Variants in AKIP1 observed in about 807,000 individuals in gnomAD.
AKIP1 encodes the protein A-kinase-interacting protein 1.
AKIP1 carries 18 observed loss-of-function variants against 22.3 expected under a neutral mutation model. The observed-to-expected ratio is 0.81, with a 90% confidence interval of 0.56 to 1.19. The LOEUF is 1.19. Among genes scored for constraint, AKIP1 ranks in the 50% most tolerant of loss-of-function variants. The pLI is 0.00. For missense variants in AKIP1, 287 were observed against 264.6 expected (o/e 1.08, Z -0.59); for synonymous variants, 120 against 102.7 (o/e 1.17, Z -1.02).
In AKIP1 at chr11:8,911,689, G is replaced by A; in HGVS notation, c.222+18G>A. 1 of 1,492,834 alleles carries A rather than the reference G, an allele frequency of 6.7e-7. No individual in the cohort carries two copies. Among genetic ancestry groups the A allele is most frequent in the Non-Finnish European group, 8.9e-7 (1 of 1,122,404 alleles). 92.5% of individuals were successfully genotyped at this position (1,492,834 alleles called of 1,614,324 possible). A position where few individuals can be genotyped will look rare whatever the true frequency, so the allele number is the denominator to read the frequency against. On this transcript the variant is annotated intron_variant, in intron 2 of 5. Coordinates refer to ENST00000309377, the MANE Select transcript of AKIP1 (RefSeq NM_020642.4). The stretch of plus-strand genomic sequence containing the variant: ...CGGGAGAGGTGAGGGTCGCTGTGCC[G>A]GGGGCCGCCCCAGTCCTTCGCGCCG...
At chr11:8,915,356 TTC>T (rs754317619) in intron 4 of AKIP1, among the ~76,000 whole-genome samples, 1,101 of 47,274 alleles carry the variant, frequency 0.023, 13 homozygotes, top group East Asian at 0.11. Flanking sequence ...GATTTTTTTT[TTC>T]TTTTTTTTTT....
chr11:8,917,588 G>A (rs775547819), intron 5 of AKIP1: 6 of 556,454 alleles, frequency 1.1e-5, no homozygotes, highest in Non-Finnish European at 1.9e-5. Context: ...CTTTGTGCCT[G>A]AACTCATAGT....
In AKIP1 at chr11:8,917,006, C is replaced by G. The variant is rs554424084; in HGVS notation, c.409-281C>G. On this transcript the variant is annotated intron_variant, in intron 4 of 5. Transcript: ENST00000309377. ...AGTGCCATGTTACAGACTGGAAAAC[C>G]AAGGTTCAAGAGAAGTTAATCTGTC... 1.4e-4 allele frequency among the ~76,000 whole-genome samples: 21 copies of G among 152,226 alleles called. No individual in the cohort carries two copies. The East Asian group carries it at 3.9e-3, about 28-fold the overall frequency.
intron 3 of AKIP1, among the ~76,000 whole-genome samples, chr11:8,913,833 A>T (rs1470753413): frequency 6.6e-6 from 1 of 152,244 alleles, no homozygotes; most frequent in Non-Finnish European, 1.5e-5. Flanking sequence ...CAGTGGTTTT[A>T]CAAAAATCAA....
At chr11:8,911,295 G>A (rs2064334653) in intron 1 of AKIP1, 72 bp downstream of exon 1, 2 of 686,702 alleles carry the variant, frequency 2.9e-6, no homozygotes, top group East Asian at 2.7e-5. Flanking sequence ...GCCTAGTCCT[G>A]GCTGGGCTCC....
At position 8,911,426 on chromosome 11, in the gene AKIP1, C is replaced by A; in HGVS notation, c.-6-18C>A. 1 of 1,558,724 alleles carries A rather than the reference C, an allele frequency of 6.4e-7. No homozygotes were observed. The highest frequency in any genetic ancestry group is 8.7e-7 in the Non-Finnish European group (1 of 1,151,378). On this transcript the variant is annotated intron_variant, in intron 1 of 5. Transcript: ENST00000309377. ...CCCAGCTGACCCGCCGGCGTTTGTA[C>A]GTTGTGTGCCCACTCAGGGAGCCAT...
intron 3 of AKIP1, 125 bp from the exon 4 acceptor site, chr11:8,914,701 G>T: frequency 1.5e-6 from 1 of 659,530 alleles, no homozygotes; most frequent in East Asian, 2.7e-5. Context: ...CCTGTCAAGA[G>T]GGCAGGTAAT....
intron 4 of AKIP1, among the ~76,000 whole-genome samples, chr11:8,915,820 T>TA (rs71485244): frequency 1.4e-5 from 1 of 70,274 alleles, no homozygotes; most frequent in African/African-American, 3.6e-5. Flanking sequence ...TTTTTCTTTC[T>TA]TTTTTTTTTT....
chr11:8,918,716 T>C (rs961589037), intron 5 of AKIP1, among the ~76,000 whole-genome samples: 2 of 152,256 alleles, frequency 1.3e-5, no homozygotes, highest in African/African-American at 4.8e-5. Flanking sequence ...TTGTGCTCAG[T>C]TCGGCTCTAA....
chr11:8,918,916 G>A (rs867987815), intron 5 of AKIP1, among the ~76,000 whole-genome samples: 6 of 152,190 alleles, frequency 3.9e-5, no homozygotes, highest in African/African-American at 1.2e-4. Context: ...GCAAAGCACC[G>A]TTTAAAAGAA....
intron 3 of AKIP1, among the ~76,000 whole-genome samples, chr11:8,912,991 C>T (rs1266235436): frequency 1.4e-5 from 2 of 146,064 alleles, no homozygotes; most frequent in Admixed American, 7.2e-5. Flanking sequence ...TCTCCTGCCT[C>T]AGCCTCCCTA....
At chr11:8,915,073 A>G (rs556062511) in intron 4 of AKIP1, 143 bp downstream of exon 4, 8 of 593,916 alleles carry the variant, frequency 1.3e-5, no homozygotes, top group African/African-American at 3.7e-5. Flanking sequence ...GTGTAAATTC[A>G]TAGCCTTAGA....
rs2064535864 is a variant in AKIP1 at position 8,919,223 on chromosome 11, C to T, written c.490-114C>T. 6.0e-6 allele frequency: 6 copies of T among 1,004,632 alleles called. No homozygotes were observed. The Admixed American group carries it at 9.3e-5, about 16-fold the overall frequency. The allele number at this position is 1,004,632 out of a possible 1,614,324, so 62.2% of individuals were successfully genotyped here. On this transcript the variant is annotated intron_variant, in intron 5 of 5. Transcript: ENST00000309377. The stretch of plus-strand genomic sequence containing the variant: ...CCTTGAAAGCAGGACCTCTGTCTCC[C>T]ACATTAGCGCTTCATTCCATCACAC...
chr11:8,917,206 TA>T, intron 4 of AKIP1, 80 bp from the exon 5 acceptor site: 2 of 899,396 alleles, frequency 2.2e-6, no homozygotes, highest in Non-Finnish European at 3.3e-6. Context: ...TACTAACTCC[TA>T]ATAAGGTAGA....
intron 2 of AKIP1, 24 bp from the exon 3 acceptor site, chr11:8,912,429 G>C: frequency 6.3e-7 from 1 of 1,595,550 alleles, no homozygotes; most frequent in Non-Finnish European, 8.6e-7. Flanking sequence ...GAGCTAACCT[G>C]TGACGTGCCA....
At chr11:8,916,682 C>T (rs1316142781) in intron 4 of AKIP1, among the ~76,000 whole-genome samples, 2 of 152,192 alleles carry the variant, frequency 1.3e-5, no homozygotes, top group Non-Finnish European at 1.5e-5. Context: ...TCCCACATGC[C>T]TCCCCTGGCC....
intron 3 of AKIP1, among the ~76,000 whole-genome samples, chr11:8,914,571 TTTAG>T (rs943742122): frequency 2.6e-5 from 4 of 152,202 alleles, no homozygotes; most frequent in South Asian, 2.1e-4. Flanking sequence ...CCTGCCCACC[TTTAG>T]TTAGCCAGCG....
At position 8,914,846 on chromosome 11, in the gene AKIP1, A is replaced by G. The variant is rs1286565385; in HGVS notation, c.324A>G (p.Pro108=). ...TCTAGAAATATTATTCATCTGTGCC[A>G]GAGGAAGGAGGGGCAACCCATGTCT... ...SQCGKYYSSV[P]EEGGATHVYR... is the part of the protein sequence containing the mutation. The change falls in exon 4 of 6, where the codon CCA becomes CCG. Residue 108 remains proline, a synonymous_variant. Coordinates refer to ENST00000309377, the MANE Select transcript of AKIP1 (RefSeq NM_020642.4). 2 of 1,613,578 alleles carry G rather than the reference A, an allele frequency of 1.2e-6. No individual in the cohort carries two copies. Among genetic ancestry groups the G allele is most frequent in the Admixed American group, 1.7e-5 (1 of 60,018 alleles).
chr11:8,911,716 G>T (rs575110242), intron 2 of AKIP1, 45 bp downstream of exon 2: 38 of 1,457,518 alleles, frequency 2.6e-5, no homozygotes, highest in Non-Finnish European at 3.3e-5. Context: ...TTCGCGCCGC[G>T]GTAGCCCGCT....
Sources: allele counts gnomAD v4.1 joint callset (sites outside exome capture counted in the v4.1 genomes callset), GRCh38; gene constraint gnomAD v4.1.1; transcripts MANE v1.5; gene names NCBI Gene and HGNC (gene_info 2026-07-23, HGNC 2026-07-21).